The following NPAS3 variants were observed in gnomAD, a reference collection of about 807,000 sequenced individuals.
NPAS3 encodes neuronal PAS domain protein 3.
Under a neutral mutation model 73.1 loss-of-function variants are expected in NPAS3, and 14 were observed. The observed-to-expected ratio is 0.19, with a 90% confidence interval of 0.13 to 0.30. The LOEUF is 0.30. NPAS3 is among the 10% of genes least tolerant of loss of function. NPAS3 has a pLI of 1.00. For synonymous variants in NPAS3, 620 were observed against 541.5 expected (o/e 1.14, Z -2.01); for missense variants, 1,096 against 1,250.0 (o/e 0.88, Z 1.86).
chr14:33,361,879 A>G (rs766697443), intron 3 of NPAS3, among the ~76,000 whole-genome samples: 10 of 152,202 alleles, frequency 6.6e-5, no homozygotes, highest in Non-Finnish European at 1.5e-4. Context: ...GTGATTAATC[A>G]CGTGCCCAAT....
chr14:33,004,696 T>A (rs534882973), intron 1 of NPAS3, among the ~76,000 whole-genome samples: 2 of 152,048 alleles, frequency 1.3e-5, no homozygotes, highest in African/African-American at 4.8e-5. Flanking sequence ...TTTTGATTTT[T>A]AAAAACTTTT....
At chr14:33,353,532 A>C (rs2045180833) in intron 3 of NPAS3, among the ~76,000 whole-genome samples, 1 of 152,248 alleles carries the variant, frequency 6.6e-6, no homozygotes, top group African/African-American at 2.4e-5. Context: ...TTTATTGATG[A>C]GCAAAGTGAT....
chr14:33,522,233 A>G lies in NPAS3; in HGVS notation c.469-37888A>G, dbSNP rs77806104. Among the ~76,000 whole-genome samples, 835 of 152,334 alleles carry G rather than the reference A, an allele frequency of 5.5e-3. 9 individuals carry two copies. The highest frequency in any genetic ancestry group is 0.019 in the African/African-American group (793 of 41,596). On this transcript the variant is annotated intron_variant, in intron 4 of 11. Coordinates refer to ENST00000356141, the Ensembl canonical transcript of NPAS3. Reference sequence around the variant, plus strand: ...AGAAATTCACGTGACACGTGATATCATTTCAGGGGATGAAATATCATATTT... The same window carrying G: ...AGAAATTCACGTGACACGTGATATCGTTTCAGGGGATGAAATATCATATTT...
chr14:33,795,197 G>C (rs1316394699), intron 10 of NPAS3, among the ~76,000 whole-genome samples: 1 of 152,168 alleles, frequency 6.6e-6, no homozygotes, highest in African/African-American at 2.4e-5. Flanking sequence ...AATGATTATT[G>C]CTCTAGAGAG....
At chr14:33,443,288 A>C (rs2049335537) in intron 4 of NPAS3, among the ~76,000 whole-genome samples, 1 of 152,216 alleles carries the variant, frequency 6.6e-6, no homozygotes, top group Non-Finnish European at 1.5e-5. Context: ...AGGAAAAAAA[A>C]AAAAGTTAAT....
intron 9 of NPAS3, among the ~76,000 whole-genome samples, chr14:33,790,201 A>G (rs983944530): frequency 6.6e-6 from 1 of 152,202 alleles, no homozygotes; most frequent in Admixed American, 6.5e-5. Context: ...TCAAGGGACA[A>G]TTAACTCTTT....
intron 5 of NPAS3, among the ~76,000 whole-genome samples, chr14:33,603,793 A>G (rs867657689): frequency 3.3e-5 from 5 of 152,286 alleles, no homozygotes; most frequent in Middle Eastern, 3.4e-3. Context: ...TTACTGCTTA[A>G]ATCTCTTTAA....
At chr14:33,719,847 T>A (rs1454886684) in intron 6 of NPAS3, among the ~76,000 whole-genome samples, 1 of 152,174 alleles carries the variant, frequency 6.6e-6, no homozygotes, top group Non-Finnish European at 1.5e-5. Context: ...AAGGCACTCT[T>A]TCTTCTCAAG....
At chr14:33,033,627 C>T (rs1410514862) in intron 1 of NPAS3, among the ~76,000 whole-genome samples, 1 of 152,024 alleles carries the variant, frequency 6.6e-6, no homozygotes, top group African/African-American at 2.4e-5. Flanking sequence ...TATTCTCTGC[C>T]CAATGGTTCA....
At chr14:33,226,269 G>A (rs564284469) in intron 3 of NPAS3, among the ~76,000 whole-genome samples, 1 of 152,232 alleles carries the variant, frequency 6.6e-6, no homozygotes, top group South Asian at 2.1e-4. Flanking sequence ...ACTATTGTTT[G>A]GTCATTTTGA....
Position 33,295,762 on chromosome 14 carries a change from C to G in NPAS3, c.386-71424C>G, listed in dbSNP as rs563704013. 2.4e-4 allele frequency among the ~76,000 whole-genome samples: 36 copies of G among 152,272 alleles called. No individual in the cohort carries two copies. The East Asian group carries it at 6.8e-3, about 29-fold the overall frequency. On this transcript the variant is annotated intron_variant, in intron 3 of 11. Coordinates refer to ENST00000356141, the Ensembl canonical transcript of NPAS3. ...AGGAGTTATATCGGTTCAAACATTT[C>G]TCCTAAAAAGAACAAAGGTTTTATT...
chr14:33,488,009 A>G lies in NPAS3; in HGVS notation c.469-72112A>G, dbSNP rs71419945. ...GAAATGGATTAAACATTCACTGTAT[A>G]TGAGGCCCTGTAAGGTGGTACAGGA... On this transcript the variant is annotated intron_variant, in intron 4 of 11. Coordinates refer to ENST00000356141, the Ensembl canonical transcript of NPAS3. Among the ~76,000 whole-genome samples, 1,253 of 152,234 alleles carry G rather than the reference A, an allele frequency of 8.2e-3. 11 individuals are homozygous for G. Among genetic ancestry groups the G allele is most frequent in the Middle Eastern group, 0.027 (8 of 294 alleles).
intron 3 of NPAS3, among the ~76,000 whole-genome samples, chr14:33,271,126 G>T (rs1036782186): frequency 6.6e-6 from 1 of 152,176 alleles, no homozygotes; most frequent in Non-Finnish European, 1.5e-5. Flanking sequence ...ATAGAAATAC[G>T]ACTGGATAAA....
chr14:33,082,908 T>C (rs994602796), intron 2 of NPAS3, among the ~76,000 whole-genome samples: 2 of 152,124 alleles, frequency 1.3e-5, no homozygotes, highest in African/African-American at 4.8e-5. Flanking sequence ...CCAGGCACAA[T>C]GTCTCACATC....
intron 5 of NPAS3, among the ~76,000 whole-genome samples, chr14:33,627,919 C>G (rs1484353767): frequency 6.6e-6 from 1 of 152,160 alleles, no homozygotes; most frequent in Non-Finnish European, 1.5e-5. Context: ...TCAAGAAAAT[C>G]TCTTATCAGC....
chr14:33,100,454 G>C (rs1408231714), intron 2 of NPAS3, among the ~76,000 whole-genome samples: 2 of 152,036 alleles, frequency 1.3e-5, no homozygotes. Flanking sequence ...TACATAATAG[G>C]ATCTATTGCT....
chr14:33,512,513 A>G (rs545134680), intron 4 of NPAS3, among the ~76,000 whole-genome samples: 1 of 152,182 alleles, frequency 6.6e-6, no homozygotes, highest in African/African-American at 2.4e-5. Context: ...TGTTATAACA[A>G]ATGGTTCAAA....
At position 33,335,030 on chromosome 14, in the gene NPAS3, T is replaced by TTGTGTGTGTGTGTGTGTGTG. The variant is rs777068522; in HGVS notation, c.386-32144_386-32143insTGTGTGTGTGTGTGTGTGTG. On this transcript the variant is annotated intron_variant, in intron 3 of 11. Coordinates refer to ENST00000356141, the Ensembl canonical transcript of NPAS3. ...CTTGCTATGGCTTAGTGGTATTCCA[T>TTGTGTGTGTGTGTGTGTGTG]TGTGTGTGTGTGCGTGTGTGTGTGT... Among the ~76,000 whole-genome samples, 112 of 144,258 alleles carry TTGTGTGTGTGTGTGTGTGTG rather than the reference T, an allele frequency of 7.8e-4. 3 individuals are homozygous for TTGTGTGTGTGTGTGTGTGTG. The Middle Eastern group carries it at 0.01, about 13-fold the overall frequency. The allele number at this position is 144,258 out of a possible 152,430, so 94.6% of individuals were successfully genotyped here.
chr14:33,475,872 A>G (rs1264100110), intron 4 of NPAS3, among the ~76,000 whole-genome samples: 1 of 152,158 alleles, frequency 6.6e-6, no homozygotes, highest in African/African-American at 2.4e-5. Flanking sequence ...GACCAGAGTG[A>G]AATAAATTCT....
Sources: allele counts gnomAD v4.1 joint callset (sites outside exome capture counted in the v4.1 genomes callset), GRCh38; gene constraint gnomAD v4.1.1; transcripts MANE v1.5; gene names NCBI Gene and HGNC (gene_info 2026-07-23, HGNC 2026-07-21).